LSAMP: variants seen among roughly 807,000 people sequenced by gnomAD.
LSAMP encodes limbic system associated membrane protein.
In LSAMP, 7 loss-of-function variants were observed where a neutral mutation model predicts 38.6. That is an observed-to-expected ratio of 0.18 (90% CI 0.10 to 0.34). The LOEUF (loss-of-function observed/expected upper bound fraction) is 0.34, where lower values mean the gene tolerates loss of function less well. Ranked by LOEUF, LSAMP falls within the 10% of genes least tolerant of loss-of-function variation. The pLI, the probability that LSAMP is intolerant of heterozygous loss-of-function variation, is 1.00. For missense variants in LSAMP, 313 were observed against 420.0 expected, an observed-to-expected ratio of 0.75 and a Z score of 2.23; for synonymous variants, 154 against 166.8, an observed-to-expected ratio of 0.92 and a Z score of 0.59.
chr3:116,078,441 C>T (rs925420198), intron 2 of LSAMP, among the ~76,000 whole-genome samples: 2 of 152,040 alleles, frequency 1.3e-5, no homozygotes, highest in Non-Finnish European at 2.9e-5. Context: ...TATCCTGCCT[C>T]AGCCTCCCGA....
intron 1 of LSAMP, among the ~76,000 whole-genome samples, chr3:116,441,687 A>C (rs1383205463): frequency 6.6e-6 from 1 of 152,118 alleles, no homozygotes; most frequent in Non-Finnish European, 1.5e-5. Context: ...TTGAACTCTT[A>C]CTCCTGTGGG....
At chr3:116,430,415 T>A (rs1279080938) in intron 1 of LSAMP, among the ~76,000 whole-genome samples, 2 of 152,148 alleles carry the variant, frequency 1.3e-5, no homozygotes, top group African/African-American at 4.8e-5. Context: ...AGCAGAGACC[T>A]GAGAAATCAC....
intron 1 of LSAMP, among the ~76,000 whole-genome samples, chr3:116,296,203 A>G (rs1457925720): frequency 6.6e-6 from 1 of 152,206 alleles, no homozygotes; most frequent in Non-Finnish European, 1.5e-5. Context: ...TCTTAGCTGT[A>G]TTGAACAGGA....
intron 3 of LSAMP, among the ~76,000 whole-genome samples, chr3:115,967,133 T>C (rs534276968): frequency 6.6e-6 from 1 of 152,314 alleles, no homozygotes; most frequent in Non-Finnish European, 1.5e-5. Flanking sequence ...ATGGTCTGTT[T>C]CCCTTTTAAA....
intron 3 of LSAMP, among the ~76,000 whole-genome samples, chr3:115,912,715 G>T (rs1209325527): frequency 6.6e-6 from 1 of 152,114 alleles, no homozygotes; most frequent in Non-Finnish European, 1.5e-5. Flanking sequence ...TGTGGTTATT[G>T]TTTAAAAAAT....
chr3:116,099,833 TCTC>T (rs1708304297), intron 1 of LSAMP, among the ~76,000 whole-genome samples: 1 of 152,138 alleles, frequency 6.6e-6, no homozygotes, highest in Admixed American at 6.5e-5. Context: ...ATTGTACTTT[TCTC>T]CTGATCTCAC....
chr3:115,821,554 TTATCTC>T (rs3836331), intron 6 of LSAMP, among the ~76,000 whole-genome samples: 28,178 of 152,040 alleles, frequency 0.19, 3,261 homozygotes, highest in Non-Finnish European at 0.26. Flanking sequence ...AAAGAAAACA[TTATCTC>T]TATGTGTGTG....
intron 3 of LSAMP, among the ~76,000 whole-genome samples, chr3:115,904,337 T>C (rs1379161194): frequency 1.3e-5 from 2 of 152,020 alleles, no homozygotes; most frequent in Non-Finnish European, 2.9e-5. Flanking sequence ...AAGGGATCCA[T>C]GAAGAAATAG....
chr3:116,206,698 A>G (rs1200048623), intron 1 of LSAMP, among the ~76,000 whole-genome samples: 3 of 151,778 alleles, frequency 2.0e-5, no homozygotes, highest in Non-Finnish European at 4.4e-5. Flanking sequence ...TTCAGTTTCC[A>G]TGTAGCTGAG....
At chr3:115,893,293 T>C (rs1576192051) in intron 3 of LSAMP, among the ~76,000 whole-genome samples, 1 of 152,006 alleles carries the variant, frequency 6.6e-6, no homozygotes, top group Admixed American at 6.6e-5. Flanking sequence ...ACCTAAAGTA[T>C]AATAAAGAAA....
chr3:116,380,791 T>C (rs1383904857), intron 1 of LSAMP, among the ~76,000 whole-genome samples: 2 of 152,120 alleles, frequency 1.3e-5, no homozygotes, highest in African/African-American at 4.8e-5. Flanking sequence ...CATTCTTCTA[T>C]TGATGGGTAT....
intron 1 of LSAMP, 147 bp downstream of exon 1, chr3:116,444,730 C>CCACACA (rs1315887827): frequency 1.1e-6 from 1 of 913,756 alleles, no homozygotes; most frequent in Non-Finnish European, 1.7e-6. Context: ...CACACACACA[C>CCACACA]CACACACACA....
chr3:115,868,703 G>A (rs1373148631), intron 3 of LSAMP, among the ~76,000 whole-genome samples: 1 of 152,104 alleles, frequency 6.6e-6, no homozygotes, highest in Non-Finnish European at 1.5e-5. Flanking sequence ...AAGCTCTAAT[G>A]TAATTTAATC....
At chr3:116,385,716 A>G (rs755439806) in intron 1 of LSAMP, among the ~76,000 whole-genome samples, 40 of 152,172 alleles carry the variant, frequency 2.6e-4, no homozygotes, top group Non-Finnish European at 5.4e-4. Flanking sequence ...TTATTTTTAA[A>G]TATCTATCTG....
intron 1 of LSAMP, among the ~76,000 whole-genome samples, chr3:116,207,673 T>A (rs1459671903): frequency 6.6e-6 from 1 of 151,720 alleles, no homozygotes; most frequent in African/African-American, 2.4e-5. Context: ...AAGCTTAGTT[T>A]GGCTGGATAT....
chr3:116,062,015 A>G (rs892317310), intron 2 of LSAMP, among the ~76,000 whole-genome samples: 3 of 152,214 alleles, frequency 2.0e-5, no homozygotes, highest in Admixed American at 1.3e-4. Context: ...ATTGGACTAG[A>G]AATTGTGGAA....
chr3:115,868,090 G>C (rs1268782019), intron 3 of LSAMP, among the ~76,000 whole-genome samples: 1 of 152,082 alleles, frequency 6.6e-6, no homozygotes, highest in East Asian at 1.9e-4. Flanking sequence ...TTAGGCTTGG[G>C]CAGATTATCA....
chr3:116,246,699 G>A (rs143661844), intron 1 of LSAMP, among the ~76,000 whole-genome samples: 221 of 152,300 alleles, frequency 1.5e-3, no homozygotes, highest in African/African-American at 5.0e-3. Flanking sequence ...AGGGGAGGGC[G>A]TGTCATCCTC....
chr3:115,855,540 G>A (rs1461897919), intron 3 of LSAMP, among the ~76,000 whole-genome samples: 1 of 152,172 alleles, frequency 6.6e-6, no homozygotes, highest in East Asian at 1.9e-4. Flanking sequence ...TCTGATGGCA[G>A]CCTCTGTCTC....
Sources: gnomAD v4.1 joint callset for allele counts (sites outside exome capture counted in the v4.1 genomes callset) on GRCh38, gnomAD v4.1.1 for gene constraint, MANE v1.5 for transcripts, NCBI Gene and HGNC (gene_info 2026-07-23, HGNC 2026-07-21) for gene names.